Variants in ANKRD50 observed in about 807,000 individuals in gnomAD.
ANKRD50 encodes ankyrin repeat domain 50.
Under a neutral mutation model 112.0 loss-of-function variants are expected in ANKRD50, and 40 were observed. The ratio of observed to expected loss-of-function variants is 0.36; its 90% CI spans 0.28 to 0.46. ANKRD50 has a LOEUF of 0.46. Ranked by LOEUF, ANKRD50 falls within the 20% of genes least tolerant of loss-of-function variation. The probability of loss-of-function intolerance (pLI) is 1.00; values close to 1 mark genes in which losing one functional copy is unlikely to be tolerated. For missense variants in ANKRD50, 1,487 were observed against 1,701.7 expected (o/e 0.87, Z 2.22); for synonymous variants, 613 against 619.1 (o/e 0.99, Z 0.15).
chr4:124,712,066 G>A (rs1444532289), intron 1 of ANKRD50, among the ~76,000 whole-genome samples: 1 of 152,120 alleles, frequency 6.6e-6, no homozygotes, highest in Non-Finnish European at 1.5e-5. Flanking sequence ...GAACCGCCCA[G>A]AGGAGCCACA....
intron 2 of ANKRD50, among the ~76,000 whole-genome samples, chr4:124,694,789 A>G (rs1198626823): frequency 1.3e-5 from 2 of 152,174 alleles, no homozygotes; most frequent in East Asian, 3.9e-4. Flanking sequence ...CCCTCATTCA[A>G]GATCATACTG....
At chr4:124,690,405 C>A (rs896314191) in intron 2 of ANKRD50, among the ~76,000 whole-genome samples, 1 of 152,142 alleles carries the variant, frequency 6.6e-6, no homozygotes, top group Admixed American at 6.5e-5. Context: ...TACCAGCTAA[C>A]CTTTGAGGAG....
chr4:124,667,967 A>T (rs1730537487), intron 4 of ANKRD50, among the ~76,000 whole-genome samples: 1 of 152,068 alleles, frequency 6.6e-6, no homozygotes, highest in Middle Eastern at 3.4e-3. Context: ...ATATTTACAA[A>T]GACAGAAGCA....
rs796624125 is a variant in ANKRD50 at position 124,675,515 on chromosome 4, T to G, written c.743-2981A>C. Among the ~76,000 whole-genome samples the G allele has an allele frequency of 3.3e-5, 5 of 151,684 alleles. No homozygotes were observed. In the South Asian group the frequency reaches 8.3e-4, roughly 25 times the overall value. On this transcript the variant is annotated intron_variant, in intron 3 of 4. Coordinates refer to ENST00000504087, the MANE Select transcript of ANKRD50 (RefSeq NM_020337.3). ...ACTGAAAGGTTTGTCAATGTTAAAT[T>G]TAAAAAGCAGAAAATCAAATTGATA...
intron 2 of ANKRD50, among the ~76,000 whole-genome samples, chr4:124,696,247 C>T (rs1252104586): frequency 1.3e-5 from 2 of 151,676 alleles, no homozygotes; most frequent in African/African-American, 4.8e-5. Context: ...CATTAGGAAC[C>T]CTGAATGTAT....
chr4:124,710,133 T>C lies in ANKRD50; in HGVS notation c.379A>G (p.Ile127Val). 1 of 1,614,186 alleles carries C rather than the reference T, an allele frequency of 6.2e-7. No homozygotes were observed. The highest frequency in any genetic ancestry group is 8.5e-7 in the Non-Finnish European group (1 of 1,180,048). ...DSDTLCVGGF[I>V]RGLVAQICRS... ...CAGATCTGGGCTACTAGACCTCTAA[T>C]AAACCCTCCAACACACAAAGTATCA... The change falls in exon 2 of 5, where the codon ATT (isoleucine) becomes GTT (valine). Residue 127 changes from isoleucine to valine, a missense_variant. By Grantham distance (29) the Ile-to-Val change is conservative. This residue lies in a region of ANKRD50 where 1,046 missense variants were observed against 1,269.5 expected (regional missense o/e 0.82). Transcript: ENST00000504087.
At chr4:124,684,074 T>A (rs1019268948) in intron 2 of ANKRD50, among the ~76,000 whole-genome samples, 1 of 152,172 alleles carries the variant, frequency 6.6e-6, no homozygotes, top group Non-Finnish European at 1.5e-5. Context: ...ACTGTTTAAC[T>A]TGGGCAATCA....
In ANKRD50 at chr4:124,700,185, T is replaced by C. The variant is rs78405949; in HGVS notation, c.512+9815A>G. Among the ~76,000 whole-genome samples the C allele has an allele frequency of 1.7e-4, 26 of 152,298 alleles. 1 individual carries two copies. Among genetic ancestry groups the C allele is most frequent in the East Asian group, 1.4e-3 (7 of 5,180 alleles). ...TAAATGAAAATAGGGCAAATAGCCA[T>C]ACAAAAATGTGCTGGCTGGAACATG... On this transcript the variant is annotated intron_variant, in intron 2 of 4. Transcript: ENST00000504087.
intron 3 of ANKRD50, 106 bp from the exon 4 acceptor site, chr4:124,672,640 TTAA>T: frequency 1.3e-6 from 1 of 786,628 alleles, no homozygotes; most frequent in Non-Finnish European, 1.9e-6. Flanking sequence ...AATTAATAAA[TTAA>T]TACTAATAAG....
At position 124,671,394 on chromosome 4, in the gene ANKRD50, GAAACT is replaced by G; in HGVS notation, c.1878_1882del (p.Val627CysfsTer15). The G allele has an allele frequency of 6.2e-7, 1 of 1,613,876 alleles. No individual in the cohort carries two copies. Among genetic ancestry groups the G allele is most frequent in the Non-Finnish European group, 8.5e-7 (1 of 1,179,872 alleles). On this transcript the variant is annotated frameshift_variant, in exon 4 of 5. Coordinates refer to ENST00000504087, the MANE Select transcript of ANKRD50 (RefSeq NM_020337.3). LOFTEE classifies it high-confidence loss of function. The stretch of plus-strand genomic sequence containing the variant: ...TTTTACGCCAGCATAAAGTAGTGCA[GAAACT>G]ACCTCAGTATGGCCACCCCAAGCAG...
At position 124,666,765 on chromosome 4, in the gene ANKRD50, A is replaced by C. The variant is rs1730501274; in HGVS notation, c.*753T>G. The stretch of plus-strand genomic sequence containing the variant: ...AATGACAAAGTGAATGGAAGATGAA[A>C]TTGTATCCCAGCGGATGAAATAGGA... On this transcript the variant is annotated 3_prime_UTR_variant, in exon 5 of 5. Transcript: ENST00000504087. 6.6e-6 allele frequency: 1 copy of C among 152,398 alleles called. No individual in the cohort carries two copies. Among genetic ancestry groups the C allele is most frequent in the Non-Finnish European group, 1.5e-5 (1 of 67,924 alleles). 9.4% of individuals were successfully genotyped at this position (152,398 alleles called of 1,614,324 possible). A position where few individuals can be genotyped will look rare whatever the true frequency, so the allele number is the denominator to read the frequency against.
intron 4 of ANKRD50, 139 bp downstream of exon 4, chr4:124,668,845 G>T (rs1578568505): frequency 1.4e-6 from 1 of 699,858 alleles, no homozygotes; most frequent in Non-Finnish European, 2.3e-6. Context: ...ATGTAAAGGG[G>T]TGATGAGGCA....
intron 2 of ANKRD50, among the ~76,000 whole-genome samples, chr4:124,688,844 C>T (rs1725067156): frequency 6.6e-6 from 1 of 152,190 alleles, no homozygotes; most frequent in Non-Finnish European, 1.5e-5. Flanking sequence ...TCTCTAACCT[C>T]ATCAGCCCTG....
rs1011161674 is a variant in ANKRD50, at chr4:124,672,528, C to T, written c.749G>A (p.Arg250Gln). ...CCGAAGGTCATCTAAACTTATTTTT[C>T]GAAAACCTAAAGAAGAGATAAAAAA... ...KAVTKMFTGF[R>Q]KISLDDLRKA... Residue 250 changes from arginine to glutamine, a missense_variant, in exon 4 of 5, where the codon CGA becomes CAA. Coordinates refer to ENST00000504087, the MANE Select transcript of ANKRD50 (RefSeq NM_020337.3). 12 of 1,578,902 alleles carry T rather than the reference C, an allele frequency of 7.6e-6. No homozygotes were observed. The highest frequency in any genetic ancestry group is 1.2e-5 in the South Asian group (1 of 84,488).
At chr4:124,668,252 G>A (rs1730545091) in intron 4 of ANKRD50, among the ~76,000 whole-genome samples, 5 of 151,836 alleles carry the variant, frequency 3.3e-5, no homozygotes, top group Admixed American at 3.3e-4. Context: ...TTTTATCCAG[G>A]TATAAAGTGC....
At chr4:124,676,864 A>G (rs1730785431) in intron 3 of ANKRD50, among the ~76,000 whole-genome samples, 1 of 151,734 alleles carries the variant, frequency 6.6e-6, no homozygotes, top group Non-Finnish European at 1.5e-5. Flanking sequence ...CATAAAGGTC[A>G]GATAGCAGAA....
intron 2 of ANKRD50, among the ~76,000 whole-genome samples, chr4:124,696,272 A>AT (rs1725250761): frequency 6.6e-6 from 1 of 152,124 alleles, no homozygotes; most frequent in South Asian, 2.1e-4. Flanking sequence ...CACCACTCTC[A>AT]TTAGAACAGA....
In ANKRD50 at chr4:124,672,516, AAACTT is replaced by A; in HGVS notation, c.756_760del (p.Ser253ArgfsTer2). On this transcript the variant is annotated frameshift_variant, in exon 4 of 5. Transcript: ENST00000504087. LOFTEE classifies it high-confidence loss of function. ...GATATATGCCTTCCGAAGGTCATCTAAACTTATTTTTCGAAAACCTAAAGAAGAGA... is the reference window on the plus strand; with the variant it reads ...GATATATGCCTTCCGAAGGTCATCTAATTTTTCGAAAACCTAAAGAAGAGA... 1 of 1,589,970 alleles carries A rather than the reference AAACTT, an allele frequency of 6.3e-7. No individual in the cohort carries two copies. The highest frequency in any genetic ancestry group is 8.5e-7 in the Non-Finnish European group (1 of 1,171,340).
chr4:124,681,887 T>TTATA (rs1301129398), intron 2 of ANKRD50, among the ~76,000 whole-genome samples: 2 of 152,160 alleles, frequency 1.3e-5, no homozygotes, highest in Non-Finnish European at 2.9e-5. Flanking sequence ...CAGAAGTGAG[T>TTATA]TATATAGCTT....
Sources: allele counts gnomAD v4.1 joint callset (sites outside exome capture counted in the v4.1 genomes callset), GRCh38; gene constraint gnomAD v4.1.1; regional missense constraint gnomAD v4.1.1; transcripts MANE v1.5; gene names NCBI Gene and HGNC (gene_info 2026-07-23, HGNC 2026-07-21).